Variants in PLA2G4C observed in about 807,000 individuals in gnomAD.
PLA2G4C encodes cytosolic phospholipase A2 gamma.
Under a neutral mutation model 73.8 loss-of-function variants are expected in PLA2G4C, and 64 were observed. That is an observed-to-expected ratio of 0.87 (90% CI 0.71 to 1.07). The LOEUF (loss-of-function observed/expected upper bound fraction) is 1.07, where lower values mean the gene tolerates loss of function less well. Among genes scored for constraint, PLA2G4C ranks in the 50% least tolerant of loss-of-function variants. The pLI is 0.00. For missense variants in PLA2G4C, 622 were observed against 665.4 expected (o/e 0.93, Z 0.72); for synonymous variants, 254 against 252.1 (o/e 1.01, Z -0.07).
chr19:48,062,564 C>G lies in PLA2G4C; in HGVS notation c.1103-412G>C, dbSNP rs372132397. ...GCCGGAGGTTGCAGTGAGCTGAGAT[C>G]GCGCCACTGCACTCCAGCCTGGGTG... is the stretch of plus-strand genomic sequence containing the variant. On this transcript the variant is annotated intron_variant, in intron 13 of 16. Transcript: ENST00000599921. Among the ~76,000 whole-genome samples, 11 of 152,190 alleles carry G rather than the reference C, an allele frequency of 7.2e-5. No individual in the cohort carries two copies. The East Asian group carries it at 2.1e-3, about 29-fold the overall frequency.
At chr19:48,088,123 G>A (rs11668556) in intron 9 of PLA2G4C, among the ~76,000 whole-genome samples, 35,992 of 151,854 alleles carry the variant, frequency 0.24, 4,581 homozygotes, top group East Asian at 0.53. Context: ...AAATACTGGG[G>A]AAAAAATTGC....
intron 9 of PLA2G4C, among the ~76,000 whole-genome samples, chr19:48,086,616 C>T (rs920972953): frequency 2.0e-5 from 3 of 152,162 alleles, no homozygotes; most frequent in African/African-American, 7.2e-5. Context: ...AGAGTAGCCA[C>T]CCTGGGCAAC....
At chr19:48,058,055 T>C (rs1968025448) in intron 14 of PLA2G4C, among the ~76,000 whole-genome samples, 1 of 151,176 alleles carries the variant, frequency 6.6e-6, no homozygotes. Context: ...TCCCAGCACT[T>C]TGGGAGGCTG....
chr19:48,055,056 A>G lies in PLA2G4C; in HGVS notation c.1258-7T>C, dbSNP rs1967882480. On this transcript the variant is annotated splice_region_variant and splice_polypyrimidine_tract_variant and intron_variant, in intron 14 of 16. Coordinates refer to ENST00000599921, the MANE Select transcript of PLA2G4C (RefSeq NM_003706.3). ...CAGTGGTAGCCCGGATGGTCTGAGA[A>G]GGAGGCAATAAGAAATGGTTGCAAG... 1 of 1,591,504 alleles carries G rather than the reference A, an allele frequency of 6.3e-7. No individual in the cohort carries two copies. Among genetic ancestry groups the G allele is most frequent in the African/African-American group, 1.4e-5 (1 of 74,050 alleles).
At position 48,101,126 on chromosome 19, in the gene PLA2G4C, A is replaced by ATATATT. The variant is rs1491313107; in HGVS notation, c.258-1267_258-1266insAATATA. Among the ~76,000 whole-genome samples, 117 of 74,122 alleles carry ATATATT rather than the reference A, an allele frequency of 1.6e-3. 3 individuals are homozygous for ATATATT. The highest frequency in any genetic ancestry group is 4.2e-3 in the African/African-American group (65 of 15,580). 48.6% of individuals were successfully genotyped at this position (74,122 alleles called of 152,430 possible). ...AGTCTATATATATATATATATATAT[A>ATATATT]TTTTTTTTTTTTTTTTTGAGACAGG... On this transcript the variant is annotated intron_variant, in intron 4 of 16. Transcript: ENST00000599921.
chr19:48,086,293 T>A (rs2030972927), intron 9 of PLA2G4C, among the ~76,000 whole-genome samples: 1 of 152,106 alleles, frequency 6.6e-6, no homozygotes, highest in South Asian at 2.1e-4. Context: ...TGGGAGGGGA[T>A]CTGCCTCGCC....
rs1967586886 is a variant in PLA2G4C at position 48,048,010 on chromosome 19, G to A, written c.*333C>T. 2 of 334,924 alleles carry A rather than the reference G, an allele frequency of 6.0e-6. No individual in the cohort carries two copies. The highest frequency in any genetic ancestry group is 1.1e-5 in the Non-Finnish European group (2 of 185,088). The allele number at this position is 334,924 out of a possible 1,614,324, so 20.7% of individuals were successfully genotyped here. ...GTGCAGTCATAAAGGAGCAGTGGAA[G>A]GCATTGGTCTGAACTATCACATTCA... is the stretch of plus-strand genomic sequence containing the variant. On this transcript the variant is annotated 3_prime_UTR_variant, in exon 17 of 17. Coordinates refer to ENST00000599921, the MANE Select transcript of PLA2G4C (RefSeq NM_003706.3).
intron 1 of PLA2G4C, 62 bp from the exon 2 acceptor site, chr19:48,106,623 G>A (rs2032250690): frequency 7.5e-7 from 1 of 1,330,086 alleles, no homozygotes; most frequent in African/African-American, 1.4e-5. Flanking sequence ...AAGACAGTGG[G>A]GGAGGGCTGG....
chr19:48,098,711 TCTAAAAAAAAAAAA>T (rs1337077269), intron 5 of PLA2G4C, among the ~76,000 whole-genome samples: 2 of 31,160 alleles, frequency 6.4e-5, no homozygotes, highest in African/African-American at 2.7e-4. Flanking sequence ...AAACCCTATC[TCTAAAAAAAAAAAA>T]AAAAAAAAAA....
chr19:48,074,691 G>T, intron 12 of PLA2G4C, 76 bp downstream of exon 12: 2 of 956,516 alleles, frequency 2.1e-6, no homozygotes, highest in Non-Finnish European at 3.4e-6. Context: ...GGCCCACAGG[G>T]GTGGGGAAGA....
chr19:48,066,795 T>C (rs1968441103), intron 13 of PLA2G4C, among the ~76,000 whole-genome samples: 1 of 151,842 alleles, frequency 6.6e-6, no homozygotes, highest in African/African-American at 2.4e-5. Flanking sequence ...TGAGACCCCA[T>C]CTCTATGAAA....
In PLA2G4C at chr19:48,072,542, A is replaced by G. The variant is rs1402160191; in HGVS notation, c.1006+2225T>C. On this transcript the variant is annotated intron_variant, in intron 12 of 16. Coordinates refer to ENST00000599921, the MANE Select transcript of PLA2G4C (RefSeq NM_003706.3). This position sits in a 1 kb window ranked among gnomAD's most constrained non-coding sequence, Gnocchi z 4.4. ...ATTTCCACTTGGTAGGCTCATTGTC[A>G]CTCATTCTTCAAGTTGCTTCTGAGC... is the stretch of plus-strand genomic sequence containing the variant. 1 of 152,086 alleles carries G rather than the reference A, an allele frequency of 6.6e-6. No individual in the cohort carries two copies. Among genetic ancestry groups the G allele is most frequent in the Non-Finnish European group, 1.5e-5 (1 of 68,026 alleles). The allele number at this position is 152,086 out of a possible 1,614,324, so 9.4% of individuals were successfully genotyped here.
chr19:48,097,953 C>T, intron 6 of PLA2G4C, 186 bp downstream of exon 6: 1 of 568,172 alleles, frequency 1.8e-6, no homozygotes. Flanking sequence ...AAAGCAAGTG[C>T]ATGTCCTCTG....
intron 11 of PLA2G4C, among the ~76,000 whole-genome samples, chr19:48,075,480 G>A (rs1239950024): frequency 6.6e-6 from 1 of 151,822 alleles, no homozygotes; most frequent in Non-Finnish European, 1.5e-5. Flanking sequence ...GAGCTATCAT[G>A]CCTGGCATCC....
At chr19:48,053,280 G>A (rs1967794239) in intron 15 of PLA2G4C, 133 bp from the exon 16 acceptor site, 2 of 510,974 alleles carry the variant, frequency 3.9e-6, no homozygotes, top group Admixed American at 3.7e-5. Flanking sequence ...CACTACTTTG[G>A]CTTTATAAAT....
chr19:48,064,777 G>A (rs1032899161), intron 13 of PLA2G4C: 7 of 152,130 alleles, frequency 4.6e-5, no homozygotes, highest in African/African-American at 1.7e-4. Flanking sequence ...TAAGAAGAGG[G>A]GATTAGAACA....
chr19:48,106,485 C>G (rs2122159359), intron 2 of PLA2G4C, 37 bp downstream of exon 2: 1 of 1,522,952 alleles, frequency 6.6e-7, no homozygotes. Flanking sequence ...CACAAATGCT[C>G]TGCTTCCCCA....
intron 16 of PLA2G4C, 84 bp downstream of exon 16, chr19:48,052,913 C>A: frequency 6.9e-7 from 1 of 1,439,962 alleles, no homozygotes; most frequent in Non-Finnish European, 9.5e-7. Flanking sequence ...CCATGCAACC[C>A]TCCTGCCTGT....
At chr19:48,075,262 C>A (rs1225236991) in intron 11 of PLA2G4C, among the ~76,000 whole-genome samples, 1 of 151,396 alleles carries the variant, frequency 6.6e-6, no homozygotes. Flanking sequence ...CAGCTCACTG[C>A]AACCTCTGCC....
Sources: allele counts gnomAD v4.1 joint callset (sites outside exome capture counted in the v4.1 genomes callset), GRCh38; gene constraint gnomAD v4.1.1; non-coding constraint Gnocchi (gnomAD v3.1); transcripts MANE v1.5; gene names NCBI Gene and HGNC (gene_info 2026-07-23, HGNC 2026-07-21).